TGFA: variants seen among roughly 807,000 people sequenced by gnomAD.
TGFA encodes protransforming growth factor alpha.
In TGFA, 12 loss-of-function variants were observed where a neutral mutation model predicts 21.7. That is an observed-to-expected ratio of 0.55 (90% CI 0.35 to 0.90). The LOEUF (loss-of-function observed/expected upper bound fraction) is 0.90. Among genes scored for constraint, TGFA ranks in the 40% least tolerant of loss-of-function variants. TGFA has a pLI of 0.01. For missense variants in TGFA, 178 were observed against 210.8 expected (o/e 0.84, Z 0.96); for synonymous variants, 79 against 88.1 (o/e 0.90, Z 0.58).
chr2:70,551,716 T>C lies in TGFA; in HGVS notation c.40+2012A>G, dbSNP rs116699911. Among the ~76,000 whole-genome samples the C allele has an allele frequency of 6.2e-3, 943 of 151,570 alleles. 11 individuals are homozygous for C. Among genetic ancestry groups the C allele is most frequent in the African/African-American group, 0.022 (900 of 41,444 alleles). On this transcript the variant is annotated intron_variant, in intron 1 of 5. Transcript: ENST00000295400. Reference sequence around the variant, plus strand: ...GTAAATTACTCCTGCCTTTTTTTTTTCTCCACTTTTTTCAACTGCTCACAT... The same window carrying C: ...GTAAATTACTCCTGCCTTTTTTTTTCCTCCACTTTTTTCAACTGCTCACAT...
intron 1 of TGFA, among the ~76,000 whole-genome samples, chr2:70,529,750 A>G (rs1672759573): frequency 6.6e-6 from 1 of 152,192 alleles, no homozygotes; most frequent in Non-Finnish European, 1.5e-5. Context: ...GACTTTGAGC[A>G]GAGGAGCAAT....
chr2:70,489,969 G>A (rs1671381225), intron 2 of TGFA, among the ~76,000 whole-genome samples: 1 of 152,120 alleles, frequency 6.6e-6, no homozygotes, highest in African/African-American at 2.4e-5. Context: ...CCTTGGAAAA[G>A]TACCCATGCC....
At chr2:70,504,475 T>TACAG in intron 2 of TGFA, among the ~76,000 whole-genome samples, 1 of 83,854 alleles carries the variant, frequency 1.2e-5, no homozygotes, top group African/African-American at 5.3e-5. Flanking sequence ...CACACATACA[T>TACAG]ACATACATAC....
At chr2:70,506,447 G>A (rs1370090281) in intron 2 of TGFA, among the ~76,000 whole-genome samples, 1 of 152,182 alleles carries the variant, frequency 6.6e-6, no homozygotes, top group Non-Finnish European at 1.5e-5. Flanking sequence ...TGCTGTAAGG[G>A]CCTAGGAATC....
At chr2:70,525,326 C>T (rs1672600915) in intron 1 of TGFA, among the ~76,000 whole-genome samples, 1 of 152,136 alleles carries the variant, frequency 6.6e-6, no homozygotes, top group African/African-American at 2.4e-5. Context: ...CAGCATCAGC[C>T]TGGAAGTAGG....
chr2:70,480,088 GTTTAAC>G (rs1316447516), intron 2 of TGFA, among the ~76,000 whole-genome samples: 5 of 152,190 alleles, frequency 3.3e-5, no homozygotes, highest in African/African-American at 1.2e-4. Flanking sequence ...AAAAGGGGAA[GTTTAAC>G]TGTAGCGCCT....
chr2:70,499,379 A>T (rs940388880), intron 2 of TGFA, among the ~76,000 whole-genome samples: 1 of 152,232 alleles, frequency 6.6e-6, no homozygotes, highest in Non-Finnish European at 1.5e-5. Flanking sequence ...CTGAACTATC[A>T]GTTTTCCTGG....
At chr2:70,515,029 C>G (rs1409952587) in intron 1 of TGFA, 117 bp from the exon 2 acceptor site, 2 of 847,864 alleles carry the variant, frequency 2.4e-6, no homozygotes, top group Non-Finnish European at 3.7e-6. Context: ...ACAGAGTGGC[C>G]GGTAGACAGG....
At chr2:70,498,337 C>T (rs1464947461) in intron 2 of TGFA, among the ~76,000 whole-genome samples, 1 of 152,208 alleles carries the variant, frequency 6.6e-6, no homozygotes, top group Non-Finnish European at 1.5e-5. Flanking sequence ...CCCCCAGGGC[C>T]CTGCCTTTCC....
intron 2 of TGFA, among the ~76,000 whole-genome samples, chr2:70,488,020 A>C (rs1358064728): frequency 6.6e-6 from 1 of 152,232 alleles, no homozygotes; most frequent in Non-Finnish European, 1.5e-5. Context: ...GCAATGTATA[A>C]GAATCTCTTA....
intron 1 of TGFA, among the ~76,000 whole-genome samples, chr2:70,526,699 A>T (rs1672646586): frequency 2.0e-5 from 3 of 152,186 alleles, no homozygotes; most frequent in African/African-American, 7.2e-5. Flanking sequence ...GATCTCCCCT[A>T]CCAACCCTGC....
intron 1 of TGFA, among the ~76,000 whole-genome samples, chr2:70,551,913 G>A (rs1673523106): frequency 6.6e-6 from 1 of 152,174 alleles, no homozygotes; most frequent in South Asian, 2.1e-4. Flanking sequence ...GGATGGGAGT[G>A]TGGGGTGTAG....
chr2:70,472,562 C>T (rs782058287), intron 2 of TGFA, among the ~76,000 whole-genome samples: 5 of 152,130 alleles, frequency 3.3e-5, no homozygotes, highest in Admixed American at 6.5e-5. Flanking sequence ...AGGGAAATCC[C>T]CCATCCAATT....
At chr2:70,511,890 T>C (rs1270391136) in intron 2 of TGFA, among the ~76,000 whole-genome samples, 8 of 142,948 alleles carry the variant, frequency 5.6e-5, no homozygotes, top group African/African-American at 5.2e-5. Context: ...TAGTCATGAA[T>C]ACACACACAC....
intron 1 of TGFA, among the ~76,000 whole-genome samples, chr2:70,519,481 C>G (rs1672384866): frequency 6.6e-6 from 1 of 152,136 alleles, no homozygotes; most frequent in African/African-American, 2.4e-5. Flanking sequence ...GGTTGACAGC[C>G]AGGTGAGGAT....
intron 1 of TGFA, among the ~76,000 whole-genome samples, chr2:70,537,176 T>G (rs1415964394): frequency 1.3e-5 from 2 of 152,156 alleles, no homozygotes; most frequent in East Asian, 3.8e-4. Context: ...CGGGGTGCCA[T>G]GAACCACACC....
In TGFA at chr2:70,482,559, T is replaced by C. The variant is rs538611663; in HGVS notation, c.95-16823A>G. On this transcript the variant is annotated intron_variant, in intron 2 of 5. Coordinates refer to ENST00000295400, the MANE Select transcript of TGFA (RefSeq NM_003236.4). ...TATAAATTTGTGGTCAGCTAAGGCC[T>C]CTGGCTGTTTCTCCACTTAAACTAC... is the stretch of plus-strand genomic sequence containing the variant. Among the ~76,000 whole-genome samples the C allele has an allele frequency of 4.6e-5, 7 of 152,360 alleles. No individual in the cohort carries two copies. The South Asian group carries it at 1.5e-3, about 32-fold the overall frequency.
At chr2:70,500,970 C>CAAAAAAAAAAAAA (rs34669349) in intron 2 of TGFA, among the ~76,000 whole-genome samples, 1 of 143,812 alleles carries the variant, frequency 7.0e-6, no homozygotes, top group Non-Finnish European at 1.5e-5. Flanking sequence ...GGGCCATCTC[C>CAAAAAAAAAAAAA]AAAAAAAAAA....
chr2:70,551,923 G>A (rs531413355), intron 1 of TGFA, among the ~76,000 whole-genome samples: 1 of 152,170 alleles, frequency 6.6e-6, no homozygotes, highest in East Asian at 1.9e-4. Context: ...GTGGGGTGTA[G>A]GGACAGCTTT....
Sources: allele counts gnomAD v4.1 joint callset (sites outside exome capture counted in the v4.1 genomes callset), GRCh38; gene constraint gnomAD v4.1.1; transcripts MANE v1.5; gene names NCBI Gene and HGNC (gene_info 2026-07-23, HGNC 2026-07-21).